Variants in BAG3 observed in about 807,000 individuals in gnomAD.
BAG3 encodes BAG cochaperone 3, also known as BAG family molecular chaperone regulator 3.
A neutral mutation model predicts 40.5 loss-of-function variants in BAG3; 14 were observed. The ratio of observed to expected loss-of-function variants is 0.35; its 90% CI spans 0.23 to 0.54. The LOEUF (loss-of-function observed/expected upper bound fraction) is 0.54, where lower values mean the gene tolerates loss of function less well. Ranked by LOEUF, BAG3 falls within the 20% of genes least tolerant of loss-of-function variation. The pLI is 0.91. For missense variants in BAG3, 788 were observed against 758.6 expected (o/e 1.04, Z -0.46); for synonymous variants, 302 against 307.8 (o/e 0.98, Z 0.20).
chr10:119,670,181 A>G lies in BAG3; in HGVS notation c.507+4A>G. 2 of 1,603,348 alleles carry G rather than the reference A, an allele frequency of 1.2e-6. No homozygotes were observed. The highest frequency in any genetic ancestry group is 1.7e-6 in the Non-Finnish European group (2 of 1,177,708). On this transcript the variant is annotated splice_donor_region_variant and intron_variant, in intron 2 of 3. Coordinates refer to ENST00000369085, the MANE Select transcript of BAG3 (RefSeq NM_004281.4). ...CCCAGCCTCCCACGGACCTGAGGTA[A>G]GGAGAGGCCAGGCTCACCAGCCTGC...
chr10:119,663,873 G>A (rs1367453481), intron 1 of BAG3, among the ~76,000 whole-genome samples: 4 of 152,124 alleles, frequency 2.6e-5, no homozygotes, highest in African/African-American at 9.7e-5. Context: ...TACGGAATCA[G>A]ACCTACTTGG....
intron 1 of BAG3, among the ~76,000 whole-genome samples, chr10:119,657,036 C>T (rs892711599): frequency 4.6e-5 from 7 of 151,992 alleles, no homozygotes; most frequent in South Asian, 4.2e-4. Flanking sequence ...TCCCCAGGCA[C>T]GGCTGCTTTA....
Position 119,672,590 on chromosome 10 carries a change from C to T in BAG3, c.843C>T (p.Ala281=), listed in dbSNP as rs1034557688. The part of the protein sequence containing the change: ...QGASSREGSP[A]RSSTPLHSPS... ...CATCGAGCCGGGAGGGCTCACCAGCCAGGAGCAGCACGCCACTCCACTCCC... is the reference window on the plus strand; with the variant it reads ...CATCGAGCCGGGAGGGCTCACCAGCTAGGAGCAGCACGCCACTCCACTCCC... Residue 281 remains alanine, a synonymous_variant, in exon 3 of 4, where the codon GCC becomes GCT. Coordinates refer to ENST00000369085, the MANE Select transcript of BAG3 (RefSeq NM_004281.4). This position sits in a 1 kb window ranked among gnomAD's most constrained non-coding sequence, Gnocchi z 4.8. 1.9e-6 allele frequency: 3 copies of T among 1,614,156 alleles called. No individual in the cohort carries two copies. The highest frequency in any genetic ancestry group is 1.1e-5 in the South Asian group (1 of 91,080).
intron 2 of BAG3, among the ~76,000 whole-genome samples, chr10:119,671,124 A>G (rs1441152286): frequency 6.6e-6 from 1 of 152,132 alleles, no homozygotes; most frequent in Admixed American, 6.5e-5. Context: ...CCTGGCTAAC[A>G]CGGTGAAACC....
At chr10:119,656,938 C>T (rs570749600) in intron 1 of BAG3, among the ~76,000 whole-genome samples, 2 of 152,270 alleles carry the variant, frequency 1.3e-5, no homozygotes, top group East Asian at 3.9e-4. Flanking sequence ...CTGTGATAAA[C>T]AGAAAGACTT....
At chr10:119,660,853 G>T (rs1489433958) in intron 1 of BAG3, among the ~76,000 whole-genome samples, 2 of 152,312 alleles carry the variant, frequency 1.3e-5, no homozygotes, top group East Asian at 3.9e-4. Flanking sequence ...CAGCACTTTG[G>T]GAGGCTGAGG....
chr10:119,671,570 A>C (rs1421282672), intron 2 of BAG3, among the ~76,000 whole-genome samples: 2 of 152,108 alleles, frequency 1.3e-5, no homozygotes, highest in Non-Finnish European at 1.5e-5. Flanking sequence ...GGGACAACAC[A>C]TCCCTTGTAT....
At chr10:119,666,820 A>C (rs1847075417) in intron 1 of BAG3, among the ~76,000 whole-genome samples, 1 of 152,158 alleles carries the variant, frequency 6.6e-6, no homozygotes, top group Admixed American at 6.5e-5. Flanking sequence ...GGAGTTTTAC[A>C]CAGCCATACA....
intron 2 of BAG3, among the ~76,000 whole-genome samples, chr10:119,670,544 A>T (rs1314361865): frequency 6.6e-6 from 1 of 152,190 alleles, no homozygotes; most frequent in African/African-American, 2.4e-5. Flanking sequence ...CATGCTCCTT[A>T]TTCACACTGG....
At chr10:119,666,002 C>G (rs1181723711) in intron 1 of BAG3, among the ~76,000 whole-genome samples, 1 of 152,208 alleles carries the variant, frequency 6.6e-6, no homozygotes, top group African/African-American at 2.4e-5. Flanking sequence ...TCTCTGCTTT[C>G]CAGCTGTGCC....
chr10:119,665,070 A>G (rs1185853750), intron 1 of BAG3, among the ~76,000 whole-genome samples: 2 of 100,128 alleles, frequency 2.0e-5, no homozygotes, highest in Non-Finnish European at 4.3e-5. Flanking sequence ...GGCACCCGCC[A>G]CCACACACAG....
Position 119,676,744 on chromosome 10 carries a change from C to G in BAG3, c.1190C>G (p.Ala397Gly). ...PKSVATEERA[A>G]PSTAPAEATP... ...AGTGTGGCTACAGAAGAGAGGGCAG[C>G]CCCCAGCACTGCCCCTGCAGAAGCT... Residue 397 changes from alanine to glycine, a missense_variant, in exon 4 of 4, where the codon GCC becomes GGC. Transcript: ENST00000369085. 1 of 1,614,114 alleles carries G rather than the reference C, an allele frequency of 6.2e-7. No individual in the cohort carries two copies. Among genetic ancestry groups the G allele is most frequent in the Non-Finnish European group, 8.5e-7 (1 of 1,180,022 alleles).
intron 1 of BAG3, among the ~76,000 whole-genome samples, chr10:119,654,741 G>A (rs1349902286): frequency 1.3e-5 from 2 of 152,250 alleles, no homozygotes; most frequent in East Asian, 3.8e-4. Flanking sequence ...GCAGAGGATG[G>A]CATTCAGTGC....
chr10:119,675,483 T>C (rs1436446634), intron 3 of BAG3, among the ~76,000 whole-genome samples: 1 of 152,222 alleles, frequency 6.6e-6, no homozygotes, highest in Non-Finnish European at 1.5e-5. Context: ...GTTAACCATT[T>C]AGAGCATCTT....
At chr10:119,673,636 A>C (rs1355201654) in intron 3 of BAG3, among the ~76,000 whole-genome samples, 1 of 152,198 alleles carries the variant, frequency 6.6e-6, no homozygotes, top group Non-Finnish European at 1.5e-5. Flanking sequence ...CAAATGTGGG[A>C]TATTCTTTCA....
intron 1 of BAG3, among the ~76,000 whole-genome samples, chr10:119,652,922 A>G (rs1846863706): frequency 6.6e-6 from 1 of 152,270 alleles, no homozygotes; most frequent in Non-Finnish European, 1.5e-5. Context: ...TTGAGCTTTC[A>G]GGATAAAAAG....
At chr10:119,654,651 G>A (rs914354898) in intron 1 of BAG3, among the ~76,000 whole-genome samples, 2 of 152,228 alleles carry the variant, frequency 1.3e-5, no homozygotes, top group Non-Finnish European at 2.9e-5. Flanking sequence ...CCCACCTGCA[G>A]TCTTCCTGGA....
At chr10:119,674,050 G>A (rs1475987658) in intron 3 of BAG3, among the ~76,000 whole-genome samples, 1 of 152,152 alleles carries the variant, frequency 6.6e-6, no homozygotes, top group Non-Finnish European at 1.5e-5. Context: ...TGTCTTCCAG[G>A]ACTGAAACAA....
At position 119,676,967 on chromosome 10, in the gene BAG3, G is replaced by A. The variant is rs1589632862; in HGVS notation, c.1413G>A (p.Glu471=). The change falls in exon 4 of 4, where the codon GAG becomes GAA. Residue 471 remains glutamate, a synonymous_variant. Transcript: ENST00000369085. The stretch of plus-strand genomic sequence containing the variant: ...TGGCCCTGGATTCAGTGGACCCCGA[G>A]GGACGAGCCGATGTGCGTCAGGCCA... ...ELLALDSVDP[E]GRADVRQARR... 1 of 1,614,190 alleles carries A rather than the reference G, an allele frequency of 6.2e-7. No individual in the cohort carries two copies. Among genetic ancestry groups the A allele is most frequent in the Non-Finnish European group, 8.5e-7 (1 of 1,180,028 alleles).
Sources: allele counts gnomAD v4.1 joint callset (sites outside exome capture counted in the v4.1 genomes callset), GRCh38; gene constraint gnomAD v4.1.1; non-coding constraint Gnocchi (gnomAD v3.1); transcripts MANE v1.5; gene names NCBI Gene and HGNC (gene_info 2026-07-23, HGNC 2026-07-21).